The following RAD21L1 variants were observed in gnomAD, a reference collection of about 807,000 sequenced individuals.
RAD21L1 encodes the protein double-strand-break repair protein rad21-like protein 1.
In RAD21L1, 47 loss-of-function variants were observed where a neutral mutation model predicts 69.0. That is an observed-to-expected ratio of 0.68 (90% CI 0.54 to 0.87). The LOEUF is 0.87. Among genes scored for constraint, RAD21L1 ranks in the 40% least tolerant of loss-of-function variants. The probability of loss-of-function intolerance (pLI) is 0.00; values close to 1 mark genes in which losing one functional copy is unlikely to be tolerated. For missense variants in RAD21L1, 583 were observed against 647.6 expected (o/e 0.90, Z 1.08); for synonymous variants, 177 against 205.8 (o/e 0.86, Z 1.20).
At chr20:1,240,005 A>G (rs148162224) in intron 7 of RAD21L1, among the ~76,000 whole-genome samples, 119 of 152,328 alleles carry the variant, frequency 7.8e-4, no homozygotes, top group Non-Finnish European at 1.1e-3. Context: ...GCAGACATAT[A>G]GTCAAATTGT....
chr20:1,229,936 T>C lies in RAD21L1; in HGVS notation c.201T>C (p.Tyr67=). The C allele has an allele frequency of 6.4e-7, 1 of 1,550,708 alleles. No individual in the cohort carries two copies. Among genetic ancestry groups the C allele is most frequent in the Non-Finnish European group, 8.7e-7 (1 of 1,146,036 alleles). The stretch of plus-strand genomic sequence containing the variant: ...TTCTTTTGGGAGTTGTTCGAATCTA[T>C]AACAGGAAGGCAAAATATCTTTTGG... ...GHLLLGVVRI[Y]NRKAKYLLAD... Residue 67 remains tyrosine (Y), a synonymous_variant, in exon 3 of 14, where the codon TAT becomes TAC. Transcript: ENST00000683101.
Position 1,254,356 on chromosome 20 carries a change from A to G in RAD21L1, c.1567A>G (p.Ser523Gly). ...AAAACAAGCAGCTGCCAAATTTTATAGCTTTCTTGTCCTAAAGAAACAGCT... is the reference window on the plus strand; with the variant it reads ...AAAACAAGCAGCTGCCAAATTTTATGGCTTTCTTGTCCTAAAGAAACAGCT... ...DRKQAAAKFY[S>G]FLVLKKQLAI... The change falls in exon 14 of 14, where the codon AGC (serine) becomes GGC (glycine). Residue 523 changes from serine (S) to glycine (G), a missense_variant. Ser to Gly is a moderately conservative substitution (Grantham distance 56, BLOSUM62 0). Transcript: ENST00000683101. The G allele has an allele frequency of 6.4e-7, 1 of 1,551,374 alleles. No homozygotes were observed. The highest frequency in any genetic ancestry group is 8.7e-7 in the Non-Finnish European group (1 of 1,146,808).
rs1251662913 is a variant in RAD21L1 at position 1,240,359 on chromosome 20, A to G, written c.781A>G (p.Asn261Asp). The stretch of plus-strand genomic sequence containing the variant: ...CTCAGAGTGTATATGTGTACCTGAA[A>G]ATGAAAAAATGAATGAAACAATATT... ...DNSECICVPE[N>D]EKMNETILLS... is the part of the protein sequence containing the mutation. The change falls in exon 8 of 14, where the codon AAT becomes GAT. Residue 261 changes from asparagine (N) to aspartate (D), a missense_variant. By Grantham distance (23) the Asn-to-Asp change is conservative (BLOSUM62 1). Transcript: ENST00000683101. 2 of 1,549,470 alleles carry G rather than the reference A, an allele frequency of 1.3e-6. No individual in the cohort carries two copies. The highest frequency in any genetic ancestry group is 1.7e-6 in the Non-Finnish European group (2 of 1,146,102).
At chr20:1,244,392 A>G (rs1194465157) in intron 11 of RAD21L1, among the ~76,000 whole-genome samples, 1 of 152,156 alleles carries the variant, frequency 6.6e-6, no homozygotes, top group Non-Finnish European at 1.5e-5. Flanking sequence ...GTTTCATACC[A>G]AGCTAGTATT....
In RAD21L1 at chr20:1,255,777, C is replaced by T. The variant is rs2087922285; in HGVS notation, c.*1320C>T. Among the ~76,000 whole-genome samples, 1 of 152,190 alleles carries T rather than the reference C, an allele frequency of 6.6e-6. No individual in the cohort carries two copies. Among genetic ancestry groups the T allele is most frequent in the South Asian group, 2.1e-4 (1 of 4,820 alleles). On this transcript the variant is annotated 3_prime_UTR_variant, in exon 14 of 14. Transcript: ENST00000683101. ...ATCTGGCAACCACTCTTCTCCATGA[C>T]TACACTTTTGTCTTTTTGAAAATGT...
intron 8 of RAD21L1, among the ~76,000 whole-genome samples, chr20:1,241,103 C>G (rs2087598446): frequency 6.6e-6 from 1 of 152,220 alleles, no homozygotes; most frequent in Admixed American, 6.5e-5. Context: ...CAGTCCTGTT[C>G]AAACCATGTA....
At position 1,243,779 on chromosome 20, in the gene RAD21L1, T is replaced by C. The variant is rs143370988; in HGVS notation, c.1184-267T>C. Among the ~76,000 whole-genome samples, 598 of 152,290 alleles carry C rather than the reference T, an allele frequency of 3.9e-3. 6 individuals carry two copies. The highest frequency in any genetic ancestry group is 0.013 in the African/African-American group (544 of 41,550). ...AATATACCACAATGGGCTTGAACTG[T>C]CCATGTTGTCTTGTGAGTGAATGTG... On this transcript the variant is annotated intron_variant, in intron 10 of 13. Transcript: ENST00000683101.
intron 11 of RAD21L1, among the ~76,000 whole-genome samples, chr20:1,245,005 C>T (rs1476414737): frequency 5.3e-5 from 8 of 152,152 alleles, no homozygotes; most frequent in Non-Finnish European, 1.0e-4. Context: ...TGGGCTCAGG[C>T]ATTTGTTAAA....
chr20:1,238,674 T>A (rs2087547513), intron 6 of RAD21L1, among the ~76,000 whole-genome samples: 1 of 152,116 alleles, frequency 6.6e-6, no homozygotes, highest in Non-Finnish European at 1.5e-5. Context: ...CCTCTACCTA[T>A]CCTCAAGGCC....
In RAD21L1 at chr20:1,255,653, T is replaced by C. The variant is rs1238578719; in HGVS notation, c.*1196T>C. On this transcript the variant is annotated 3_prime_UTR_variant, in exon 14 of 14. Transcript: ENST00000683101. ...AGTTCTGTGAATTTTAACATATTTGTAGAGTCCTGTAACCATCTCCACAAT... is the reference window on the plus strand; with the variant it reads ...AGTTCTGTGAATTTTAACATATTTGCAGAGTCCTGTAACCATCTCCACAAT... Among the ~76,000 whole-genome samples the C allele has an allele frequency of 1.3e-5, 2 of 152,220 alleles. No individual in the cohort carries two copies. The highest frequency in any genetic ancestry group is 4.8e-5 in the African/African-American group (2 of 41,476).
chr20:1,249,729 G>T (rs1003911752), intron 13 of RAD21L1, among the ~76,000 whole-genome samples: 2 of 152,074 alleles, frequency 1.3e-5, no homozygotes, highest in Non-Finnish European at 2.9e-5. Flanking sequence ...AGAAGAGAAT[G>T]GAAATTAAAG....
chr20:1,237,643 T>C (rs1344501051), intron 5 of RAD21L1, among the ~76,000 whole-genome samples: 1 of 152,122 alleles, frequency 6.6e-6, no homozygotes, highest in East Asian at 1.9e-4. Context: ...ACATGTTCCT[T>C]ATTTTCCAAA....
intron 8 of RAD21L1, among the ~76,000 whole-genome samples, chr20:1,241,720 A>G (rs978495758): frequency 6.6e-6 from 1 of 152,006 alleles, no homozygotes; most frequent in Admixed American, 6.6e-5. Context: ...CACATAGCCA[A>G]CCTCTCCAGT....
In RAD21L1 at chr20:1,246,328, G is replaced by A. The variant is rs2087717335; in HGVS notation, c.1401+23G>A. 1 of 1,254,872 alleles carries A rather than the reference G, an allele frequency of 8.0e-7. No individual in the cohort carries two copies. Among genetic ancestry groups the A allele is most frequent in the Non-Finnish European group, 1.1e-6 (1 of 923,552 alleles). 77.7% of individuals were successfully genotyped at this position (1,254,872 alleles called of 1,614,324 possible). A position where few individuals can be genotyped will look rare whatever the true frequency, so the allele number is the denominator to read the frequency against. On this transcript the variant is annotated intron_variant, in intron 12 of 13. Coordinates refer to ENST00000683101, the MANE Select transcript of RAD21L1 (RefSeq NM_001384355.1). The surrounding 1 kb of genome is among the most constrained non-coding windows in gnomAD (Gnocchi z 4.6). ...TTGGTAAATATATGTGTAGTCTTGG[G>A]GATGTTCTTAAAAACTTTATTCCTA...
intron 8 of RAD21L1, among the ~76,000 whole-genome samples, chr20:1,242,275 C>T (rs539371794): frequency 2.0e-5 from 3 of 152,270 alleles, no homozygotes; most frequent in Non-Finnish European, 4.4e-5. Context: ...CTCTGTTGCC[C>T]AGTCTGGAGT....
chr20:1,230,681 C>T (rs1025188134), intron 3 of RAD21L1: 29 of 419,874 alleles, frequency 6.9e-5, no homozygotes, highest in Non-Finnish European at 9.3e-5. Flanking sequence ...ACCATTTCCT[C>T]AATCAACATT....
intron 1 of RAD21L1, among the ~76,000 whole-genome samples, chr20:1,227,231 A>G (rs1015669153): frequency 1.3e-5 from 2 of 152,250 alleles, no homozygotes; most frequent in Admixed American, 6.5e-5. Flanking sequence ...TTTTAAAAGT[A>G]CCTCACACCA....
At chr20:1,235,540 G>A (rs1169774192) in intron 5 of RAD21L1, among the ~76,000 whole-genome samples, 1 of 152,110 alleles carries the variant, frequency 6.6e-6, no homozygotes, top group Non-Finnish European at 1.5e-5. Flanking sequence ...AAATTGCTCT[G>A]TCAAATTTCT....
chr20:1,236,197 A>C (rs1319286500), intron 5 of RAD21L1, among the ~76,000 whole-genome samples: 3 of 152,132 alleles, frequency 2.0e-5, no homozygotes, highest in African/African-American at 7.2e-5. Flanking sequence ...GATATAGTTC[A>C]CCAGTACCAA....
Sources: allele counts gnomAD v4.1 joint callset (sites outside exome capture counted in the v4.1 genomes callset), GRCh38; gene constraint gnomAD v4.1.1; non-coding constraint Gnocchi (gnomAD v3.1); transcripts MANE v1.5; gene names NCBI Gene and HGNC (gene_info 2026-07-23, HGNC 2026-07-21).